Variants in RUNDC3B observed in about 807,000 individuals in gnomAD.
RUNDC3B encodes the protein RUN domain-containing protein 3B.
Under a neutral mutation model 58.4 loss-of-function variants are expected in RUNDC3B, and 33 were observed. The ratio of observed to expected loss-of-function variants is 0.56; its 90% confidence interval spans 0.43 to 0.75. The LOEUF is 0.75. Ranked by LOEUF, RUNDC3B falls within the 30% of genes least tolerant of loss-of-function variation. RUNDC3B has a pLI of 0.00. For missense variants in RUNDC3B, 501 were observed against 535.7 expected, an observed-to-expected ratio of 0.94 and a Z score of 0.64; for synonymous variants, 193 against 195.2, an observed-to-expected ratio of 0.99 and a Z score of 0.10.
chr7:87,714,429 A>G (rs111481719), intron 4 of RUNDC3B, among the ~76,000 whole-genome samples: 1 of 152,210 alleles, frequency 6.6e-6, no homozygotes, highest in African/African-American at 2.4e-5. Context: ...TAATTCTTTA[A>G]CATAACATTT....
At chr7:87,674,553 G>A (rs899141015) in intron 2 of RUNDC3B, among the ~76,000 whole-genome samples, 1 of 152,132 alleles carries the variant, frequency 6.6e-6, no homozygotes, top group Admixed American at 6.6e-5. Context: ...AAAGCAGTGG[G>A]GAGTCAGGGC....
chr7:87,635,380 G>T (rs980826627), intron 1 of RUNDC3B, among the ~76,000 whole-genome samples: 1 of 152,108 alleles, frequency 6.6e-6, no homozygotes, highest in African/African-American at 2.4e-5. Flanking sequence ...CTTCTTTTTT[G>T]TGAAGACTTC....
At chr7:87,649,279 T>C (rs529657368) in intron 1 of RUNDC3B, among the ~76,000 whole-genome samples, 1 of 152,284 alleles carries the variant, frequency 6.6e-6, no homozygotes, top group African/African-American at 2.4e-5. Context: ...TAAACATTTA[T>C]TTACCATTCT....
At chr7:87,690,022 G>A (rs1827868056) in intron 2 of RUNDC3B, among the ~76,000 whole-genome samples, 1 of 151,884 alleles carries the variant, frequency 6.6e-6, no homozygotes. Flanking sequence ...TAGAGACAGA[G>A]TCTCACTGTG....
At chr7:87,790,367 A>T (rs1379526926) in intron 8 of RUNDC3B, among the ~76,000 whole-genome samples, 1 of 152,194 alleles carries the variant, frequency 6.6e-6, no homozygotes, top group Non-Finnish European at 1.5e-5. Context: ...CTTCTCAAAA[A>T]GAATGGGCAC....
At chr7:87,696,759 AT>A (rs1828524494) in intron 2 of RUNDC3B, among the ~76,000 whole-genome samples, 1 of 151,692 alleles carries the variant, frequency 6.6e-6, no homozygotes, top group South Asian at 2.1e-4. Context: ...TTGGTGGTTG[AT>A]TTATGGCCCT....
At chr7:87,686,766 C>T (rs1217273821) in intron 2 of RUNDC3B, among the ~76,000 whole-genome samples, 1 of 150,108 alleles carries the variant, frequency 6.7e-6, no homozygotes, top group Non-Finnish European at 1.5e-5. Flanking sequence ...ATGGTGAAAC[C>T]CCGCCTCTAG....
intron 2 of RUNDC3B, among the ~76,000 whole-genome samples, chr7:87,684,746 C>CAAAAAAAAAAAAAAAAAAAAAAAA (rs71524694): frequency 7.9e-5 from 3 of 37,786 alleles, no homozygotes; most frequent in African/African-American, 1.8e-4. Flanking sequence ...GACTCCGTCT[C>CAAAAAAAAAAAAAAAAAAAAAAAA]AAAAAAAAAA....
At chr7:87,814,102 T>C (rs1327209333) in intron 9 of RUNDC3B, among the ~76,000 whole-genome samples, 1 of 133,590 alleles carries the variant, frequency 7.5e-6, no homozygotes, top group African/African-American at 2.9e-5. Flanking sequence ...CTTTCTTTCC[T>C]TTTTTTTTTT....
intron 10 of RUNDC3B, among the ~76,000 whole-genome samples, chr7:87,821,661 C>G (rs1837446798): frequency 6.6e-6 from 1 of 152,142 alleles, no homozygotes; most frequent in African/African-American, 2.4e-5. Flanking sequence ...CTACAGTAAC[C>G]AAAACAGCAT....
chr7:87,711,657 A>G (rs1330431674), intron 4 of RUNDC3B, among the ~76,000 whole-genome samples: 1 of 152,174 alleles, frequency 6.6e-6, no homozygotes, highest in Admixed American at 6.5e-5. Context: ...CCACTAACAC[A>G]TGCCATGTAT....
intron 4 of RUNDC3B, among the ~76,000 whole-genome samples, chr7:87,715,416 T>A (rs1355080830): frequency 3.9e-5 from 5 of 129,022 alleles, no homozygotes; most frequent in Non-Finnish European, 8.0e-5. Context: ...TTTAATATAA[T>A]ATATTTAATA....
chr7:87,729,886 A>G (rs924544204), intron 4 of RUNDC3B, among the ~76,000 whole-genome samples: 1 of 152,168 alleles, frequency 6.6e-6, no homozygotes, highest in African/African-American at 2.4e-5. Context: ...GGACATCAGC[A>G]TAGCTACGGA....
chr7:87,807,826 T>C (rs1836516733), intron 9 of RUNDC3B, among the ~76,000 whole-genome samples: 1 of 152,152 alleles, frequency 6.6e-6, no homozygotes, highest in African/African-American at 2.4e-5. Context: ...GGACTAATTT[T>C]CCCACTTGTC....
At chr7:87,731,577 T>A (rs1210081239) in intron 4 of RUNDC3B, among the ~76,000 whole-genome samples, 1 of 152,168 alleles carries the variant, frequency 6.6e-6, no homozygotes, top group Non-Finnish European at 1.5e-5. Flanking sequence ...TGGAAAAAGA[T>A]ATTCCATGCC....
intron 6 of RUNDC3B, among the ~76,000 whole-genome samples, chr7:87,757,166 C>T (rs926995614): frequency 3.3e-5 from 5 of 152,106 alleles, no homozygotes; most frequent in African/African-American, 1.2e-4. Context: ...GCTCCTGAGA[C>T]ATAGTTACTG....
chr7:87,733,146 C>A (rs968358549), intron 4 of RUNDC3B, among the ~76,000 whole-genome samples: 2 of 152,136 alleles, frequency 1.3e-5, no homozygotes, highest in African/African-American at 4.8e-5. Context: ...CCCCATGCGT[C>A]TGTTTATAGG....
intron 6 of RUNDC3B, among the ~76,000 whole-genome samples, chr7:87,750,276 C>T (rs1236385171): frequency 2.6e-5 from 4 of 151,912 alleles, no homozygotes; most frequent in Non-Finnish European, 5.9e-5. Flanking sequence ...TCCAGTCTAT[C>T]ATTGTTGGAC....
intron 10 of RUNDC3B, among the ~76,000 whole-genome samples, chr7:87,825,156 A>G (rs772439712): frequency 8.2e-4 from 125 of 152,110 alleles, no homozygotes; most frequent in Non-Finnish European, 1.6e-3. Context: ...TGGGAGGTGG[A>G]GCTTGCAGTG....
Sources: gnomAD v4.1 joint callset for allele counts (sites outside exome capture counted in the v4.1 genomes callset) on GRCh38, gnomAD v4.1.1 for gene constraint, MANE v1.5 for transcripts, NCBI Gene and HGNC (gene_info 2026-07-23, HGNC 2026-07-21) for gene names.